Variants in CNTN5 observed in about 807,000 individuals in gnomAD.
CNTN5 encodes contactin-5.
A neutral mutation model predicts 129.1 loss-of-function variants in CNTN5; 77 were observed. That is an observed-to-expected ratio of 0.60 (90% CI 0.50 to 0.72). The LOEUF (loss-of-function observed/expected upper bound fraction) is 0.72. CNTN5 is among the 30% of genes least tolerant of loss of function. CNTN5 has a pLI of 0.00. For synonymous variants in CNTN5, 509 were observed against 465.6 expected (o/e 1.09, Z -1.20); for missense variants, 1,478 against 1,328.8 (o/e 1.11, Z -1.75).
chr11:100,023,404 T>C (rs552960820), intron 9 of CNTN5, among the ~76,000 whole-genome samples: 50 of 152,306 alleles, frequency 3.3e-4, no homozygotes, highest in Non-Finnish European at 6.9e-4. Flanking sequence ...AGTGCAGACA[T>C]TTCCTATATC....
chr11:99,754,096 T>C (rs539863853), intron 3 of CNTN5, among the ~76,000 whole-genome samples: 1 of 152,250 alleles, frequency 6.6e-6, no homozygotes, highest in African/African-American at 2.4e-5. Context: ...GTTTAGGTCA[T>C]AGGTAGTGGT....
intron 1 of CNTN5, among the ~76,000 whole-genome samples, chr11:99,130,314 CT>C (rs1269449718): frequency 3.3e-5 from 5 of 152,036 alleles, no homozygotes; most frequent in African/African-American, 1.2e-4. Flanking sequence ...AGTTGCAATC[CT>C]AGTTTCTGAC....
rs539048258 is a variant in CNTN5, at chr11:100,190,620, A to G, written c.1581-506A>G. 2.5e-4 allele frequency among the ~76,000 whole-genome samples: 38 copies of G among 152,224 alleles called. 1 individual carries two copies. The South Asian group carries it at 2.7e-3, about 11-fold the overall frequency. On this transcript the variant is annotated intron_variant, in intron 13 of 24. Transcript: ENST00000524871. Reference sequence around the variant, plus strand: ...AGCCCAGGTATCAGGTTGCATTTTCATACTCTTGCTACTCTGGTGGCAACG... The same window carrying G: ...AGCCCAGGTATCAGGTTGCATTTTCGTACTCTTGCTACTCTGGTGGCAACG...
intron 3 of CNTN5, among the ~76,000 whole-genome samples, chr11:99,557,316 T>C (rs1948705594): frequency 6.6e-6 from 1 of 151,260 alleles, no homozygotes; most frequent in African/African-American, 2.4e-5. Context: ...TGATCATATA[T>C]AATATAGAAT....
chr11:100,188,698 A>G, intron 13 of CNTN5, among the ~76,000 whole-genome samples: 1 of 152,166 alleles, frequency 6.6e-6, no homozygotes, highest in East Asian at 1.9e-4. Flanking sequence ...CAGAGAACTT[A>G]AACTGCTATT....
At chr11:99,977,006 G>A (rs1429129332) in intron 8 of CNTN5, among the ~76,000 whole-genome samples, 1 of 152,090 alleles carries the variant, frequency 6.6e-6, no homozygotes, top group African/African-American at 2.4e-5. Context: ...CATATGACTG[G>A]CCACTTTTAA....
chr11:99,772,257 A>T (rs1944971984), intron 3 of CNTN5, among the ~76,000 whole-genome samples: 1 of 151,976 alleles, frequency 6.6e-6, no homozygotes, highest in African/African-American at 2.4e-5. Context: ...GCTCAAGATT[A>T]ATATAGTGTA....
At chr11:99,635,500 T>A (rs886784242) in intron 3 of CNTN5, among the ~76,000 whole-genome samples, 4 of 151,692 alleles carry the variant, frequency 2.6e-5, no homozygotes, top group Non-Finnish European at 4.4e-5. Context: ...TAAAACAAAT[T>A]GAGCCTACTA....
At chr11:99,751,060 G>T (rs941602254) in intron 3 of CNTN5, among the ~76,000 whole-genome samples, 8 of 152,144 alleles carry the variant, frequency 5.3e-5, no homozygotes, top group African/African-American at 1.9e-4. Flanking sequence ...ATAACTTAAG[G>T]GTGCAGTGGC....
chr11:99,819,728 C>A lies in CNTN5; in HGVS notation c.240C>A (p.Ile80=), dbSNP rs761355116. 5.6e-6 allele frequency: 9 copies of A among 1,609,110 alleles called. No homozygotes were observed. Among genetic ancestry groups the A allele is most frequent in the Non-Finnish European group, 6.8e-6 (8 of 1,178,090 alleles). ...LGAAQNYYSP[I]NLYHSSDAFK... ...CAGCTCAGAATTATTATTCCCCCAT[C>A]AATCTTTATCATTCCTCAGATGCCT... The change falls in exon 4 of 25, where the codon ATC becomes ATA. Residue 80 remains isoleucine, a synonymous_variant. Coordinates refer to ENST00000524871, the MANE Select transcript of CNTN5 (RefSeq NM_014361.4).
intron 1 of CNTN5, among the ~76,000 whole-genome samples, chr11:99,159,804 G>T (rs7106372): frequency 5.3e-5 from 8 of 152,090 alleles, no homozygotes; most frequent in Admixed American, 5.2e-4. Flanking sequence ...AAATATAGGA[G>T]AAGTACGTAT....
At chr11:99,435,515 G>A (rs972443578) in intron 2 of CNTN5, among the ~76,000 whole-genome samples, 3 of 152,076 alleles carry the variant, frequency 2.0e-5, no homozygotes, top group Non-Finnish European at 4.4e-5. Flanking sequence ...AATGACATAC[G>A]TCTTCAGTTC....
intron 6 of CNTN5, among the ~76,000 whole-genome samples, chr11:99,912,543 G>T (rs142871535): frequency 3.2e-4 from 48 of 151,448 alleles, no homozygotes; most frequent in African/African-American, 1.1e-3. Context: ...TCATAAAATG[G>T]TTCATTTTAC....
intron 13 of CNTN5, among the ~76,000 whole-genome samples, chr11:100,100,872 A>G (rs1945197291): frequency 1.3e-5 from 2 of 152,046 alleles, no homozygotes; most frequent in Admixed American, 1.3e-4. Flanking sequence ...TGCAACTTAA[A>G]TTTAGACATT....
chr11:99,683,419 CTTCT>C (rs1446953780), intron 3 of CNTN5, among the ~76,000 whole-genome samples: 1 of 151,822 alleles, frequency 6.6e-6, no homozygotes, highest in African/African-American at 2.4e-5. Flanking sequence ...GTTTCATTGC[CTTCT>C]TTGTCACATT....
At chr11:100,173,664 A>C (rs73558887) in intron 13 of CNTN5, among the ~76,000 whole-genome samples, 5,394 of 152,214 alleles carry the variant, frequency 0.035, 329 homozygotes, top group African/African-American at 0.12. Flanking sequence ...ACAGTGCCAG[A>C]GGAGTCGTCT....
intron 3 of CNTN5, among the ~76,000 whole-genome samples, chr11:99,652,774 G>T (rs1342096410): frequency 6.6e-6 from 1 of 151,996 alleles, no homozygotes; most frequent in African/African-American, 2.4e-5. Context: ...TATTTTGTGT[G>T]TTATTAAACA....
chr11:99,237,325 A>G (rs1470187596), intron 1 of CNTN5, among the ~76,000 whole-genome samples: 2 of 152,176 alleles, frequency 1.3e-5, no homozygotes, highest in Non-Finnish European at 2.9e-5. Context: ...CTTGCAGAAA[A>G]TAGAAGCTCT....
At chr11:99,059,027 T>C (rs1864755307) in intron 1 of CNTN5, among the ~76,000 whole-genome samples, 1 of 149,494 alleles carries the variant, frequency 6.7e-6, no homozygotes. Context: ...GGAAAGCATA[T>C]TATCCCTCCC....
Sources: gnomAD v4.1 joint callset for allele counts (sites outside exome capture counted in the v4.1 genomes callset) on GRCh38, gnomAD v4.1.1 for gene constraint, MANE v1.5 for transcripts, NCBI Gene and HGNC (gene_info 2026-07-23, HGNC 2026-07-21) for gene names.